Variants in TRIO observed in about 807,000 individuals in gnomAD.
The protein encoded by TRIO is triple functional domain protein.
In TRIO, 58 loss-of-function variants were observed where a neutral mutation model predicts 351.9. That is an observed-to-expected ratio of 0.16 (90% CI 0.13 to 0.21). The LOEUF (loss-of-function observed/expected upper bound fraction) is 0.21. Among genes scored for constraint, TRIO ranks in the 10% least tolerant of loss-of-function variants. The probability of loss-of-function intolerance (pLI) is 1.00; values close to 1 mark genes in which losing one functional copy is unlikely to be tolerated. For synonymous variants in TRIO, 1,758 were observed against 1,595.7 expected (o/e 1.10, Z -2.42); for missense variants, 3,201 against 4,027.8 (o/e 0.79, Z 5.56).
chr5:14,407,802 G>T (rs1036003695), intron 33 of TRIO, among the ~76,000 whole-genome samples: 2 of 152,184 alleles, frequency 1.3e-5, no homozygotes, highest in African/African-American at 4.8e-5. Flanking sequence ...TTTACGTGAT[G>T]GACAAAAGAC....
intron 1 of TRIO, among the ~76,000 whole-genome samples, chr5:14,251,409 G>A (rs6554850): frequency 0.34 from 51,271 of 152,048 alleles, 10,076 homozygotes; most frequent in African/African-American, 0.55. Context: ...TAAAAATCAT[G>A]GCACCCAAAT....
intron 31 of TRIO, among the ~76,000 whole-genome samples, chr5:14,405,104 G>A (rs1748587203): frequency 6.6e-6 from 1 of 150,532 alleles, no homozygotes; most frequent in South Asian, 2.1e-4. Context: ...AAAAAAAAAA[G>A]TCTGGATCAA....
At chr5:14,254,636 G>C (rs192894755) in intron 1 of TRIO, among the ~76,000 whole-genome samples, 98 of 152,218 alleles carry the variant, frequency 6.4e-4, no homozygotes, top group African/African-American at 2.3e-3. Context: ...GAAGGTTTTT[G>C]GTCTCCACCC....
At position 14,481,549 on chromosome 5, in the gene TRIO, G is replaced by C; in HGVS notation, c.6396G>C (p.Val2132=). The C allele has an allele frequency of 6.2e-7, 1 of 1,614,132 alleles. No individual in the cohort carries two copies. Among genetic ancestry groups the C allele is most frequent in the Non-Finnish European group, 8.5e-7 (1 of 1,180,032 alleles). ...TCTCTCCCCTCCCACAGAGAGCTGT[G>C]GAAGTCATGTGCATAGTACCCAGGC... The part of the protein sequence containing the change: ...SLDTSELERA[V]EVMCIVPRRC... The change falls in exon 45 of 57, where the codon GTG becomes GTC. Residue 2132 remains valine, a synonymous_variant. Transcript: ENST00000344204.
intron 1 of TRIO, among the ~76,000 whole-genome samples, chr5:14,194,315 T>C (rs1790631983): frequency 6.6e-6 from 1 of 152,224 alleles, no homozygotes; most frequent in South Asian, 2.1e-4. Flanking sequence ...TGCTCTCTTT[T>C]TCTCTGTAAA....
At chr5:14,419,740 A>G (rs186253323) in intron 33 of TRIO, 38 bp from the exon 34 acceptor site, 15 of 1,606,320 alleles carry the variant, frequency 9.3e-6, no homozygotes, top group Non-Finnish European at 1.0e-5. Flanking sequence ...CATGGCTCAC[A>G]CTGGCTGACC....
Position 14,487,651 on chromosome 5 carries a change from C to G in TRIO, c.7023C>G (p.Ile2341Met), listed in dbSNP as rs1416730940. 1 of 1,320,886 alleles carries G rather than the reference C, an allele frequency of 7.6e-7. No homozygotes were observed. Among genetic ancestry groups the G allele is most frequent in the Non-Finnish European group, 9.7e-7 (1 of 1,026,366 alleles). 81.8% of individuals were successfully genotyped at this position (1,320,886 alleles called of 1,614,324 possible). ...PSTSRSRPSRIPQPVRHHPPV... is the reference protein window; with the variant it reads ...PSTSRSRPSRMPQPVRHHPPV... ...CGAGCAGGAGCCGGCCCTCCCGGAT[C>G]CCCCAGCCTGTCCGACACCACCCCC... The change falls in exon 48 of 57, where the codon ATC becomes ATG. Residue 2341 changes from isoleucine to methionine, a missense_variant. Physicochemically the swap from Ile to Met is conservative, Grantham distance 10. Coordinates refer to ENST00000344204, the MANE Select transcript of TRIO (RefSeq NM_007118.4).
At chr5:14,230,787 G>A (rs1347517049) in intron 1 of TRIO, among the ~76,000 whole-genome samples, 1 of 152,126 alleles carries the variant, frequency 6.6e-6, no homozygotes, top group African/African-American at 2.4e-5. Context: ...TTTGTAAGGT[G>A]TGTTGAAAAT....
At chr5:14,458,737 C>T (rs546549689) in intron 34 of TRIO, among the ~76,000 whole-genome samples, 3 of 152,310 alleles carry the variant, frequency 2.0e-5, no homozygotes, top group East Asian at 3.9e-4. Context: ...AATAAATTGT[C>T]ATCTGACATA....
chr5:14,291,617 C>T (rs1282536735), intron 5 of TRIO, among the ~76,000 whole-genome samples: 8 of 151,382 alleles, frequency 5.3e-5, no homozygotes, highest in African/African-American at 1.5e-4. Context: ...AGTGAAACCC[C>T]GTCTCTACTA....
intron 44 of TRIO, 105 bp downstream of exon 44, chr5:14,481,389 G>A: frequency 6.6e-7 from 1 of 1,505,626 alleles, no homozygotes; most frequent in Admixed American, 1.8e-5. Context: ...GGTCAAAGCA[G>A]TGGATGACAG....
At chr5:14,358,130 G>A in intron 11 of TRIO, 48 bp from the exon 12 acceptor site, 1 of 1,577,794 alleles carries the variant, frequency 6.3e-7, no homozygotes, top group South Asian at 1.2e-5. Flanking sequence ...GGCCCACCTG[G>A]TGGTGCAGCC....
chr5:14,204,975 C>T (rs1337691717), intron 1 of TRIO, among the ~76,000 whole-genome samples: 1 of 152,126 alleles, frequency 6.6e-6, no homozygotes, highest in East Asian at 1.9e-4. Flanking sequence ...GTCTGGGATG[C>T]GTGGTGTCAC....
chr5:14,172,802 C>T (rs982799559), intron 1 of TRIO, among the ~76,000 whole-genome samples: 3 of 152,226 alleles, frequency 2.0e-5, no homozygotes, highest in African/African-American at 7.2e-5. Context: ...GAACTGGATA[C>T]AGCAAATTAC....
At chr5:14,160,904 C>T (rs770842197) in intron 1 of TRIO, among the ~76,000 whole-genome samples, 21 of 152,120 alleles carry the variant, frequency 1.4e-4, no homozygotes, top group Non-Finnish European at 5.9e-5. Flanking sequence ...ATGTGATGCC[C>T]AAACATACAT....
intron 1 of TRIO, among the ~76,000 whole-genome samples, chr5:14,216,132 C>T (rs1348656257): frequency 6.6e-6 from 1 of 152,236 alleles, no homozygotes; most frequent in Non-Finnish European, 1.5e-5. Context: ...GTTGACTCCT[C>T]AGATTGTGAT....
intron 1 of TRIO, among the ~76,000 whole-genome samples, chr5:14,161,822 G>A (rs1788475633): frequency 6.6e-6 from 1 of 152,160 alleles, no homozygotes; most frequent in Non-Finnish European, 1.5e-5. Context: ...CACCTTGTGG[G>A]CTCAGGCGAT....
At chr5:14,414,078 A>G (rs1749430860) in intron 33 of TRIO, among the ~76,000 whole-genome samples, 2 of 152,222 alleles carry the variant, frequency 1.3e-5, no homozygotes, top group Non-Finnish European at 1.5e-5. Context: ...CTTTGGGTTA[A>G]ATGGTCCTAA....
chr5:14,285,438 GATGTCAT>G (rs1216725625), intron 3 of TRIO, among the ~76,000 whole-genome samples: 2 of 151,992 alleles, frequency 1.3e-5, no homozygotes, highest in East Asian at 3.9e-4. Flanking sequence ...TACTGATGTA[GATGTCAT>G]ATGTACTTTG....
Sources: gnomAD v4.1 joint callset for allele counts (sites outside exome capture counted in the v4.1 genomes callset) on GRCh38, gnomAD v4.1.1 for gene constraint, MANE v1.5 for transcripts, NCBI Gene and HGNC (gene_info 2026-07-23, HGNC 2026-07-21) for gene names.